XCL1: variants seen among roughly 807,000 people sequenced by gnomAD.
XCL1 encodes X-C motif chemokine ligand 1.
XCL1 carries 6 observed loss-of-function variants against 7.4 expected under a neutral mutation model. The observed-to-expected ratio is 0.82, with a 90% CI of 0.45 to 1.61. The LOEUF is 1.61. XCL1 is among the 40% of genes most tolerant of loss of function. The pLI is 0.01. For synonymous variants in XCL1, 48 were observed against 52.4 expected, an observed-to-expected ratio of 0.92 and a Z score of 0.36; for missense variants, 122 against 138.2, an observed-to-expected ratio of 0.88 and a Z score of 0.59.
intron 1 of XCL1, chr1:168,578,716 AT>A: frequency 1.2e-5 from 4 of 343,516 alleles, no homozygotes; most frequent in South Asian, 8.1e-5. Context: ...TGAGCCACAG[AT>A]TTTGGACTCG....
intron 1 of XCL1, among the ~76,000 whole-genome samples, chr1:168,577,700 G>C (rs2300296): frequency 6.6e-6 from 1 of 151,886 alleles, no homozygotes; most frequent in Non-Finnish European, 1.5e-5. Context: ...AAAAGAGTTT[G>C]ATTACTACAT....
intron 1 of XCL1, chr1:168,578,657 C>T: frequency 1.1e-5 from 3 of 263,104 alleles, no homozygotes; most frequent in South Asian, 4.6e-5. Context: ...ACATTTAACC[C>T]AGTTTAGTGG....
intron 1 of XCL1, chr1:168,579,055 C>A (rs566137476): frequency 7.2e-6 from 3 of 414,168 alleles, no homozygotes; most frequent in Non-Finnish European, 1.4e-5. Context: ...TGGGGACAAC[C>A]CCTTTGCTAG....
intron 1 of XCL1, among the ~76,000 whole-genome samples, chr1:168,577,245 A>G (rs74120956): frequency 0.035 from 5,342 of 152,272 alleles, 310 homozygotes; most frequent in African/African-American, 0.12. Context: ...TCAATACAAA[A>G]CTAAGCCCCA....
chr1:168,578,822 T>A, intron 1 of XCL1: 1 of 442,666 alleles, frequency 2.3e-6, no homozygotes, highest in Non-Finnish European at 4.4e-6. Flanking sequence ...GGTTAACTTG[T>A]GTGAAGGCCA....
intron 1 of XCL1, chr1:168,578,901 C>G: frequency 3.3e-6 from 1 of 302,298 alleles, no homozygotes; most frequent in Non-Finnish European, 6.1e-6. Context: ...CATTAAGGGA[C>G]CCCCCATTTT....
intron 1 of XCL1, among the ~76,000 whole-genome samples, chr1:168,577,291 T>C (rs1242197151): frequency 6.6e-6 from 1 of 152,004 alleles, no homozygotes; most frequent in Non-Finnish European, 1.5e-5. Context: ...GTCCAGAAAA[T>C]CAATATTACC....
intron 1 of XCL1, chr1:168,579,583 A>C: frequency 5.6e-6 from 1 of 178,322 alleles, no homozygotes; most frequent in Middle Eastern, 2.6e-3. Context: ...CATCTCACTT[A>C]TGGTACTGTA....
At position 168,581,069 on chromosome 1, in the gene XCL1, G is replaced by A. The variant is rs1363490248; in HGVS notation, c.194G>A (p.Gly65Asp). The change falls in exon 3 of 3, where the codon GGC becomes GAC. Residue 65 changes from glycine to aspartate, a missense_variant. By Grantham distance (94) the Gly-to-Asp change is moderately conservative. Coordinates refer to ENST00000367818, the MANE Select transcript of XCL1 (RefSeq NM_002995.3). Reference sequence around the variant, plus strand: ...CGTTACAGTTTTATTACCAAACGTGGCCTAAAAGTCTGTGCTGATCCACAA... The same window carrying A: ...CGTTACAGTTTTATTACCAAACGTGACCTAAAAGTCTGTGCTGATCCACAA... ...LRAVIFITKR[G>D]LKVCADPQAT... 1.2e-6 allele frequency: 2 copies of A among 1,613,620 alleles called. No homozygotes were observed. Among genetic ancestry groups the A allele is most frequent in the Admixed American group, 1.7e-5 (1 of 59,970 alleles).
At chr1:168,579,082 C>T (rs1655091992) in intron 1 of XCL1, 3 of 424,904 alleles carry the variant, frequency 7.1e-6, no homozygotes, top group Non-Finnish European at 1.4e-5. Context: ...TCTTCTCAGC[C>T]TGGGCCAACA....
At chr1:168,580,778 A>AT (rs1191525413) in intron 2 of XCL1, among the ~76,000 whole-genome samples, 1 of 152,208 alleles carries the variant, frequency 6.6e-6, no homozygotes, top group East Asian at 1.9e-4. Context: ...TTGGCCTCAA[A>AT]GTCTTTTTGT....
In XCL1 at chr1:168,578,121, C is replaced by A. The variant is rs549428097; in HGVS notation, c.61+1423C>A. On this transcript the variant is annotated intron_variant, in intron 1 of 2. Transcript: ENST00000367818. ...AAATATGAGAGAAACAGAGAAAAAA[C>A]CCAGATTTTTCCTCTTTCATTGGCT... is the stretch of plus-strand genomic sequence containing the variant. Among the ~76,000 whole-genome samples, 3 of 152,180 alleles carry A rather than the reference C, an allele frequency of 2.0e-5. No individual in the cohort carries two copies. In the East Asian group the frequency reaches 5.8e-4, roughly 29 times the overall value.
intron 1 of XCL1, 96 bp downstream of exon 1, chr1:168,576,794 G>T (rs1009492738): frequency 1.9e-6 from 3 of 1,560,822 alleles, no homozygotes; most frequent in Non-Finnish European, 8.8e-7. Flanking sequence ...GGACTAACCT[G>T]CTTTCCCCAG....
In XCL1 at chr1:168,581,954, G is replaced by T. The variant is rs1293311596; in HGVS notation, c.*734G>T. 2.6e-5 allele frequency: 4 copies of T among 152,194 alleles called. No individual in the cohort carries two copies. Among genetic ancestry groups the T allele is most frequent in the Non-Finnish European group, 5.9e-5 (4 of 68,042 alleles). The allele number at this position is 152,194 out of a possible 1,614,324, so 9.4% of individuals were successfully genotyped here. On this transcript the variant is annotated 3_prime_UTR_variant, in exon 3 of 3. Coordinates refer to ENST00000367818, the MANE Select transcript of XCL1 (RefSeq NM_002995.3). ...TGCCATTACGCTAGTTATCATGCAT[G>T]TTATGCTTTACTGCGAATAAGCTTT...
At chr1:168,578,533 A>G (rs1655079372) in intron 1 of XCL1, 2 of 181,698 alleles carry the variant, frequency 1.1e-5, no homozygotes, top group Non-Finnish European at 2.3e-5. Context: ...GGCCATTACT[A>G]TTGGGGATGC....
Position 168,581,420 on chromosome 1 carries a change from C to T in XCL1, c.*200C>T. The stretch of plus-strand genomic sequence containing the variant: ...TTATTATTAAGAATAGTTCCCTAGT[C>T]TATTCATTATATTTAGGGAAAGGTA... On this transcript the variant is annotated 3_prime_UTR_variant, in exon 3 of 3. Coordinates refer to ENST00000367818, the MANE Select transcript of XCL1 (RefSeq NM_002995.3). 1.8e-6 allele frequency: 1 copy of T among 560,096 alleles called. No homozygotes were observed. Among genetic ancestry groups the T allele is most frequent in the East Asian group, 3.5e-5 (1 of 28,214 alleles). 34.7% of individuals were successfully genotyped at this position (560,096 alleles called of 1,614,324 possible).
rs1397653291 is a variant in XCL1 at position 168,579,350 on chromosome 1, G to A, written c.62-713G>A. Reference sequence around the variant, plus strand: ...AAACTCTTAGGCCTTTTCTCACACAGCGGTTTCATCACTTTCTTAGCCTCC... The same window carrying A: ...AAACTCTTAGGCCTTTTCTCACACAACGGTTTCATCACTTTCTTAGCCTCC... On this transcript the variant is annotated intron_variant, in intron 1 of 2. Coordinates refer to ENST00000367818, the MANE Select transcript of XCL1 (RefSeq NM_002995.3). The A allele has an allele frequency of 5.2e-5, 10 of 190,602 alleles. No individual in the cohort carries two copies. The East Asian group carries it at 1.5e-3, about 29-fold the overall frequency. The allele number at this position is 190,602 out of a possible 1,614,324, so 11.8% of individuals were successfully genotyped here. A position where few individuals can be genotyped will look rare whatever the true frequency, so the allele number is the denominator to read the frequency against.
At chr1:168,578,726 C>T (rs1488681322) in intron 1 of XCL1, 4 of 359,360 alleles carry the variant, frequency 1.1e-5, no homozygotes, top group African/African-American at 6.4e-5. Flanking sequence ...ATTTTGGACT[C>T]GGGACATTGC....
intron 1 of XCL1, among the ~76,000 whole-genome samples, chr1:168,577,446 C>A (rs952292616): frequency 2.6e-5 from 4 of 152,172 alleles, no homozygotes; most frequent in Admixed American, 1.3e-4. Context: ...CTGCAAGACA[C>A]ATCCAGGTAA....
Sources: gnomAD v4.1 joint callset for allele counts (sites outside exome capture counted in the v4.1 genomes callset) on GRCh38, gnomAD v4.1.1 for gene constraint, MANE v1.5 for transcripts, NCBI Gene and HGNC (gene_info 2026-07-23, HGNC 2026-07-21) for gene names.